Variants in CAD observed in about 807,000 individuals in gnomAD.
The protein encoded by CAD is carbamoyl-phosphate synthetase 2, aspartate transcarbamylase, and dihydroorotase.
CAD carries 81 observed loss-of-function variants against 237.2 expected under a neutral mutation model. That is an observed-to-expected ratio of 0.34 (90% CI 0.29 to 0.41). CAD has a LOEUF of 0.41. Among genes scored for constraint, CAD ranks in the 10% least tolerant of loss-of-function variants. The pLI is 1.00. For missense variants in CAD, 2,181 were observed against 2,951.7 expected, an observed-to-expected ratio of 0.74 and a Z score of 6.05; for synonymous variants, 1,196 against 1,162.8, an observed-to-expected ratio of 1.03 and a Z score of -0.58.
Position 27,217,449 on chromosome 2 carries a change from G to C in CAD, c.-103G>C. On this transcript the variant is annotated 5_prime_UTR_variant, in exon 1 of 44. Coordinates refer to ENST00000264705, the MANE Select transcript of CAD (RefSeq NM_004341.5). ...TTCTCTCCAGCGCCCCGCGCCGTTA[G>C]CCACGTGGACCGACTCCGGCGCGCC... 1 of 1,023,440 alleles carries C rather than the reference G, an allele frequency of 9.8e-7. No individual in the cohort carries two copies. Among genetic ancestry groups the C allele is most frequent in the Admixed American group, 2.0e-5 (1 of 50,090 alleles). The allele number at this position is 1,023,440 out of a possible 1,614,324, so 63.4% of individuals were successfully genotyped here.
chr2:27,243,076 C>A, intron 42 of CAD, 103 bp downstream of exon 42: 1 of 1,328,484 alleles, frequency 7.5e-7, no homozygotes, highest in Non-Finnish European at 1.1e-6. Flanking sequence ...TGTTAAACTT[C>A]ACATCTGTCA....
In CAD at chr2:27,237,502, G is replaced by C; in HGVS notation, c.4520G>C (p.Arg1507Pro). The C allele has an allele frequency of 1.2e-6, 2 of 1,614,036 alleles. No individual in the cohort carries two copies. Among genetic ancestry groups the C allele is most frequent in the Non-Finnish European group, 1.7e-6 (2 of 1,180,004 alleles). Residue 1507 changes from arginine to proline, a missense_variant, in exon 28 of 44, where the codon CGG (arginine) becomes CCG (proline). By Grantham distance (103) the Arg-to-Pro change is moderately radical. Transcript: ENST00000264705. The surrounding 1 kb of genome is among the most constrained non-coding windows in gnomAD (Gnocchi z 4.0). ...ITMVCAMPNTRPPIIDAPALA... is the reference protein window; with the variant it reads ...ITMVCAMPNTPPPIIDAPALA... The stretch of plus-strand genomic sequence containing the variant: ...ATGGTGTGTGCCATGCCTAATACCC[G>C]GCCCCCCATCATTGACGCCCCTGCT...
At chr2:27,224,138 G>A in intron 8 of CAD, 109 bp downstream of exon 8, 1 of 949,060 alleles carries the variant, frequency 1.1e-6, no homozygotes, top group Non-Finnish European at 1.7e-6. Context: ...GGAGGTTAAG[G>A]GTATTGGGGA....
Position 27,242,473 on chromosome 2 carries a change from G to T in CAD, c.6222+46G>T, listed in dbSNP as rs749905689. ...TGGATCCCTGCCAGGGGACGATCTAGAGAGGGAGGCAGGAAGTGGTTACCC... is the reference window on the plus strand; with the variant it reads ...TGGATCCCTGCCAGGGGACGATCTATAGAGGGAGGCAGGAAGTGGTTACCC... On this transcript the variant is annotated intron_variant, in intron 40 of 43. Coordinates refer to ENST00000264705, the MANE Select transcript of CAD (RefSeq NM_004341.5). The surrounding 1 kb of genome is among the most constrained non-coding windows in gnomAD (Gnocchi z 6.4). The T allele has an allele frequency of 6.3e-7, 1 of 1,598,784 alleles. No individual in the cohort carries two copies. The highest frequency in any genetic ancestry group is 1.3e-5 in the African/African-American group (1 of 74,632).
rs1675424527 is a variant in CAD at position 27,225,864 on chromosome 2, C to T, written c.1780C>T (p.Leu594=). The T allele has an allele frequency of 1.2e-6, 2 of 1,614,052 alleles. No individual in the cohort carries two copies. The highest frequency in any genetic ancestry group is 8.5e-7 in the Non-Finnish European group (1 of 1,180,040). ...CAGCCAAGTGCTAGTAGACAAGTCT[C>T]TGAAGGGATGGAAGGAGATTGAGTA... ...HTSQVLVDKS[L]KGWKEIEYEV... The change falls in exon 12 of 44, where the codon CTG becomes TTG. Residue 594 remains leucine, a synonymous_variant. Coordinates refer to ENST00000264705, the MANE Select transcript of CAD (RefSeq NM_004341.5).
Position 27,225,782 on chromosome 2 carries a change from C to T in CAD, c.1698C>T (p.Gly566=). The change falls in exon 12 of 44, where the codon GGC becomes GGT. Residue 566 remains glycine (G), a synonymous_variant. Coordinates refer to ENST00000264705, the MANE Select transcript of CAD (RefSeq NM_004341.5). ...TTGCCCTGGGTGGCCTGGGCTCTGG[C>T]TTTGCCTCTAACAGGGAGGAGCTCT... ...AAFALGGLGS[G]FASNREELSA... is the part of the protein sequence containing the mutation. The T allele has an allele frequency of 6.2e-7, 1 of 1,614,196 alleles. No homozygotes were observed. Among genetic ancestry groups the T allele is most frequent in the South Asian group, 1.1e-5 (1 of 91,088 alleles).
rs373586525 is a variant in CAD, at chr2:27,217,887, C to A, written c.93C>A (p.Thr31=). ...GCTTCTTTCTTGCAGTGTTTCAAAC[C>A]GGCATGGTCGGCTACCCCGAGGCCC... is the stretch of plus-strand genomic sequence containing the variant. The part of the protein sequence containing the change: ...VSTAGEVVFQ[T]GMVGYPEALT... The change falls in exon 2 of 44, where the codon ACC becomes ACA. Residue 31 remains threonine, a synonymous_variant. Transcript: ENST00000264705. 7 of 1,603,366 alleles carry A rather than the reference C, an allele frequency of 4.4e-6. No homozygotes were observed. Among genetic ancestry groups the A allele is most frequent in the African/African-American group, 1.3e-5 (1 of 74,448 alleles).
In CAD at chr2:27,243,285, G is replaced by C. The variant is rs1313756374; in HGVS notation, c.6568G>C (p.Glu2190Gln). 6.2e-7 allele frequency: 1 copy of C among 1,613,940 alleles called. No homozygotes were observed. Among genetic ancestry groups the C allele is most frequent in the Non-Finnish European group, 8.5e-7 (1 of 1,180,000 alleles). The stretch of plus-strand genomic sequence containing the variant: ...GATGCACCCGATGCCCCGTGTCAAC[G>C]AGATAAGGTGGTGCAGCATCAGAGT... ...VVMHPMPRVN[E>Q]ISVEVDSDPR... The change falls in exon 43 of 44, where the codon GAG becomes CAG. Residue 2190 changes from glutamate to glutamine, a missense_variant. Coordinates refer to ENST00000264705, the MANE Select transcript of CAD (RefSeq NM_004341.5).
At position 27,236,923 on chromosome 2, in the gene CAD, T is replaced by C. The variant is rs563394323; in HGVS notation, c.4396+93T>C. 7 of 1,023,116 alleles carry C rather than the reference T, an allele frequency of 6.8e-6. No homozygotes were observed. The highest frequency in any genetic ancestry group is 3.1e-5 in the African/African-American group (2 of 63,656). 63.4% of individuals were successfully genotyped at this position (1,023,116 alleles called of 1,614,324 possible). On this transcript the variant is annotated intron_variant, in intron 27 of 43. Coordinates refer to ENST00000264705, the MANE Select transcript of CAD (RefSeq NM_004341.5). The surrounding 1 kb of genome is among the most constrained non-coding windows in gnomAD (Gnocchi z 4.1). Reference sequence around the variant, plus strand: ...TGAAGGATGGCTGGGGGGCCCACTCTTTGTCCTGGACTGCACAGACTGTGA... The same window carrying C: ...TGAAGGATGGCTGGGGGGCCCACTCCTTGTCCTGGACTGCACAGACTGTGA...
In CAD at chr2:27,237,458, C is replaced by G; in HGVS notation, c.4476C>G (p.Ala1492=). 2 of 1,614,180 alleles carry G rather than the reference C, an allele frequency of 1.2e-6. No homozygotes were observed. The highest frequency in any genetic ancestry group is 1.7e-6 in the Non-Finnish European group (2 of 1,179,988). ...ACTTTGCTTCAGGCACAGCCGCTGC[C>G]CTGGCTGGGGGTATCACCATGGTGT... is the stretch of plus-strand genomic sequence containing the variant. ...KEDFASGTAA[A]LAGGITMVCA... Residue 1492 remains alanine (A), a synonymous_variant, in exon 28 of 44, where the codon GCC becomes GCG. Transcript: ENST00000264705. The surrounding 1 kb of genome is among the most constrained non-coding windows in gnomAD (Gnocchi z 4.0).
Position 27,239,796 on chromosome 2 carries a change from A to G in CAD, c.5494A>G (p.Thr1832Ala). The G allele has an allele frequency of 6.5e-7, 1 of 1,546,348 alleles. No individual in the cohort carries two copies. Among genetic ancestry groups the G allele is most frequent in the Non-Finnish European group, 8.7e-7 (1 of 1,146,094 alleles). ...PSAPATSEMT[T>A]TPERPRRGIP... ...AGCCCCTGCCACTAGTGAGATGACC[A>G]CGGTATCCACACTACTGGGCTAGGG... Residue 1832 changes from threonine to alanine, a missense_variant and splice_region_variant, in exon 34 of 44, where the codon ACG (threonine) becomes GCG (alanine). By Grantham distance (58) the Thr-to-Ala change is moderately conservative (BLOSUM62 0). This residue lies in a region of CAD where 478 missense variants were observed against 515.0 expected (regional missense o/e 0.93). Transcript: ENST00000264705. The surrounding 1 kb of genome is among the most constrained non-coding windows in gnomAD (Gnocchi z 4.0).
chr2:27,231,708 T>G (rs1049043951), intron 16 of CAD, 128 bp downstream of exon 16: 13 of 698,106 alleles, frequency 1.9e-5, no homozygotes, highest in Admixed American at 8.0e-5. Context: ...GTTTCCACTT[T>G]GCTGAGAATT....
chr2:27,229,679 T>C (rs1422691561), intron 15 of CAD, among the ~76,000 whole-genome samples: 2 of 151,344 alleles, frequency 1.3e-5, no homozygotes, highest in Non-Finnish European at 2.9e-5. Context: ...AGTTTGAGAC[T>C]AGCCTGGCCA....
rs1176032554 is a variant in CAD at position 27,226,210 on chromosome 2, A to C, written c.1922A>C (p.Asn641Thr). 6.2e-7 allele frequency: 1 copy of C among 1,614,034 alleles called. No homozygotes were observed. Among genetic ancestry groups the C allele is most frequent in the Non-Finnish European group, 8.5e-7 (1 of 1,179,976 alleles). ...GTGGTGGCCCCTAGCCAGACACTGA[A>C]TGACAGGGAGTATCAGCTCCTGAGG... The part of the protein sequence containing the change: ...SIVVAPSQTL[N>T]DREYQLLRQT... The change falls in exon 13 of 44, where the codon AAT becomes ACT. Residue 641 changes from asparagine (N) to threonine (T), a missense_variant. Transcript: ENST00000264705.
In CAD at chr2:27,233,997, C is replaced by T. The variant is rs1311736036; in HGVS notation, c.3400-11C>T. 9 of 1,611,008 alleles carry T rather than the reference C, an allele frequency of 5.6e-6. No homozygotes were observed. The highest frequency in any genetic ancestry group is 6.8e-6 in the Non-Finnish European group (8 of 1,177,898). Reference sequence around the variant, plus strand: ...TGGCCCTATGTCCCACTGTCTGTGTCCCCCCGCTAGGAGATTGACGTGGAT... The same window carrying T: ...TGGCCCTATGTCCCACTGTCTGTGTTCCCCCGCTAGGAGATTGACGTGGAT... On this transcript the variant is annotated splice_polypyrimidine_tract_variant and intron_variant, in intron 21 of 43. Coordinates refer to ENST00000264705, the MANE Select transcript of CAD (RefSeq NM_004341.5). The surrounding 1 kb of genome is among the most constrained non-coding windows in gnomAD (Gnocchi z 6.3).
At position 27,241,886 on chromosome 2, in the gene CAD, A is replaced by C. The variant is rs1461052622; in HGVS notation, c.5884-25A>C. The C allele has an allele frequency of 1.3e-6, 2 of 1,598,804 alleles. No homozygotes were observed. The highest frequency in any genetic ancestry group is 1.7e-6 in the Non-Finnish European group (2 of 1,167,464). On this transcript the variant is annotated intron_variant, in intron 38 of 43. Coordinates refer to ENST00000264705, the MANE Select transcript of CAD (RefSeq NM_004341.5). This position sits in a 1 kb window ranked among gnomAD's most constrained non-coding sequence, Gnocchi z 4.6. ...CCCCAGGGTGGACACGCATACGTACACCTTCCATCTTGCTCTTTCCCTAGG... is the reference window on the plus strand; with the variant it reads ...CCCCAGGGTGGACACGCATACGTACCCCTTCCATCTTGCTCTTTCCCTAGG...
In CAD at chr2:27,232,838, C is replaced by T. The variant is rs1272656282; in HGVS notation, c.2892+144C>T. The T allele has an allele frequency of 1.6e-5, 16 of 1,002,412 alleles. No homozygotes were observed. In the East Asian group the frequency reaches 3.8e-4, roughly 24 times the overall value. 62.1% of individuals were successfully genotyped at this position (1,002,412 alleles called of 1,614,324 possible). ...TGGGGTGGGGGTCCTTTTAGGCCAT[C>T]TCTCATGCCCCACACGGTATATGAA... On this transcript the variant is annotated intron_variant, in intron 18 of 43. Transcript: ENST00000264705. The surrounding 1 kb of genome is among the most constrained non-coding windows in gnomAD (Gnocchi z 4.1).
chr2:27,217,850 G>A (rs1309929981), intron 1 of CAD, 27 bp from the exon 2 acceptor site: 1 of 1,568,506 alleles, frequency 6.4e-7, no homozygotes, highest in African/African-American at 1.4e-5. Context: ...TGCCCTACCG[G>A]AGCCCAGCCC....
rs779471382 is a variant in CAD at position 27,233,046 on chromosome 2, G to A, written c.2897G>A (p.Gly966Glu). 3.1e-6 allele frequency: 5 copies of A among 1,603,630 alleles called. No individual in the cohort carries two copies. Among genetic ancestry groups the A allele is most frequent in the Non-Finnish European group, 3.4e-6 (4 of 1,170,716 alleles). ...CCCTTCCCCTCCCTCTTGCAGATGGGATATAAGACCATCATGGTGAACTAT... is the reference window on the plus strand; with the variant it reads ...CCCTTCCCCTCCCTCTTGCAGATGGAATATAAGACCATCATGGTGAACTAT... ...VGCIQQLRKM[G>E]YKTIMVNYNP... is the part of the protein sequence containing the mutation. Residue 966 changes from glycine (G) to glutamate (E), a missense_variant, in exon 19 of 44, where the codon GGA becomes GAA. Coordinates refer to ENST00000264705, the MANE Select transcript of CAD (RefSeq NM_004341.5). This position sits in a 1 kb window ranked among gnomAD's most constrained non-coding sequence, Gnocchi z 6.3.
Sources: allele counts gnomAD v4.1 joint callset (sites outside exome capture counted in the v4.1 genomes callset), GRCh38; gene constraint gnomAD v4.1.1; regional missense constraint gnomAD v4.1.1; non-coding constraint Gnocchi (gnomAD v3.1); transcripts MANE v1.5; gene names NCBI Gene and HGNC (gene_info 2026-07-23, HGNC 2026-07-21).